ASAP1: variants seen among roughly 807,000 people sequenced by gnomAD.
The protein encoded by ASAP1 is arf-GAP with SH3 domain, ANK repeat and PH domain-containing protein 1.
Under a neutral mutation model 145.2 loss-of-function variants are expected in ASAP1, and 43 were observed. The ratio of observed to expected loss-of-function variants is 0.30; its 90% CI spans 0.23 to 0.38. The LOEUF (loss-of-function observed/expected upper bound fraction) is 0.38. Ranked by LOEUF, ASAP1 falls within the 10% of genes least tolerant of loss-of-function variation. The pLI is 1.00. For missense variants in ASAP1, 1,018 were observed against 1,355.3 expected, an observed-to-expected ratio of 0.75 and a Z score of 3.91; for synonymous variants, 546 against 515.5, an observed-to-expected ratio of 1.06 and a Z score of -0.80.
intron 3 of ASAP1, among the ~76,000 whole-genome samples, chr8:130,350,479 A>G (rs1386810025): frequency 6.6e-6 from 1 of 152,220 alleles, no homozygotes; most frequent in Non-Finnish European, 1.5e-5. Flanking sequence ...AATCACCTCA[A>G]TGAGGTAACA....
intron 3 of ASAP1, among the ~76,000 whole-genome samples, chr8:130,258,399 G>T (rs1318224923): frequency 6.6e-6 from 1 of 152,170 alleles, no homozygotes; most frequent in East Asian, 1.9e-4. Context: ...GTACACTCTA[G>T]CTGTGAAGCT....
intron 24 of ASAP1, among the ~76,000 whole-genome samples, chr8:130,110,246 C>T (rs1475553616): frequency 6.6e-6 from 1 of 152,120 alleles, no homozygotes; most frequent in Non-Finnish European, 1.5e-5. Flanking sequence ...ACTCTGGTGT[C>T]ATTTTCTCCT....
intron 3 of ASAP1, among the ~76,000 whole-genome samples, chr8:130,276,734 T>TCA (rs1820926035): frequency 9.1e-6 from 1 of 109,688 alleles, no homozygotes; most frequent in African/African-American, 3.0e-5. Context: ...ACACACTCTC[T>TCA]CTCTCTCTCT....
At chr8:130,115,150 T>G (rs2097553071) in intron 23 of ASAP1, among the ~76,000 whole-genome samples, 1 of 152,204 alleles carries the variant, frequency 6.6e-6, no homozygotes, top group Admixed American at 6.5e-5. Flanking sequence ...ATTTTTTAGA[T>G]GCAATTACCA....
chr8:130,058,419 A>G (rs967457151), intron 28 of ASAP1, among the ~76,000 whole-genome samples: 3 of 152,218 alleles, frequency 2.0e-5, no homozygotes, highest in Non-Finnish European at 4.4e-5. Flanking sequence ...AACCCACATC[A>G]GCTTGCAGAA....
intron 1 of ASAP1, among the ~76,000 whole-genome samples, chr8:130,422,195 AG>A (rs1205890005): frequency 6.6e-6 from 1 of 152,042 alleles, no homozygotes; most frequent in Non-Finnish European, 1.5e-5. Context: ...TGGAGGCCTG[AG>A]GGGGATGGGC....
At chr8:130,225,677 G>A (rs1367657097) in intron 4 of ASAP1, among the ~76,000 whole-genome samples, 1 of 152,172 alleles carries the variant, frequency 6.6e-6, no homozygotes. Context: ...GCAGAAACTT[G>A]AAAAATGAAT....
chr8:130,278,252 T>C (rs1169846255), intron 3 of ASAP1, among the ~76,000 whole-genome samples: 1 of 152,150 alleles, frequency 6.6e-6, no homozygotes, highest in African/African-American at 2.4e-5. Flanking sequence ...TTTCAAGGTA[T>C]TGAGTCCAGA....
At chr8:130,268,330 T>C (rs1820383210) in intron 3 of ASAP1, among the ~76,000 whole-genome samples, 1 of 151,808 alleles carries the variant, frequency 6.6e-6, no homozygotes, top group Non-Finnish European at 1.5e-5. Context: ...TACAAAAATA[T>C]TAAAAAATTA....
chr8:130,058,871 G>A (rs915257347), intron 28 of ASAP1, among the ~76,000 whole-genome samples: 3 of 152,180 alleles, frequency 2.0e-5, no homozygotes, highest in African/African-American at 7.2e-5. Context: ...TCCCTTCTGG[G>A]CCGTGCGGGT....
chr8:130,396,282 A>T (rs551922404), intron 2 of ASAP1, among the ~76,000 whole-genome samples: 1 of 152,368 alleles, frequency 6.6e-6, no homozygotes, highest in South Asian at 2.1e-4. Flanking sequence ...AAGCTCAAGA[A>T]GGCTTTGCCA....
intron 2 of ASAP1, among the ~76,000 whole-genome samples, chr8:130,395,955 C>A (rs1159004629): frequency 6.6e-6 from 1 of 152,154 alleles, no homozygotes; most frequent in Non-Finnish European, 1.5e-5. Flanking sequence ...TGTGAGCCAC[C>A]GCGCCTGGCC....
chr8:130,110,883 T>C (rs1189681592), intron 24 of ASAP1, among the ~76,000 whole-genome samples: 1 of 152,212 alleles, frequency 6.6e-6, no homozygotes, highest in Non-Finnish European at 1.5e-5. Context: ...CGAGAAGCCA[T>C]GAAACCTGTG....
intron 3 of ASAP1, among the ~76,000 whole-genome samples, chr8:130,275,401 G>A (rs373025408): frequency 2.6e-5 from 4 of 152,178 alleles, no homozygotes; most frequent in South Asian, 2.1e-4. Context: ...CAGCACTTAC[G>A]TACTTTCAGA....
chr8:130,287,937 C>T (rs1821717432), intron 3 of ASAP1, among the ~76,000 whole-genome samples: 1 of 152,274 alleles, frequency 6.6e-6, no homozygotes, highest in South Asian at 2.1e-4. Flanking sequence ...GGTCCCTACC[C>T]CAGCCTATCT....
chr8:130,277,642 G>A (rs1015856136), intron 3 of ASAP1, among the ~76,000 whole-genome samples: 1 of 152,214 alleles, frequency 6.6e-6, no homozygotes, highest in African/African-American at 2.4e-5. Flanking sequence ...AGTCTAAAGA[G>A]TGGGAATAAA....
intron 1 of ASAP1, among the ~76,000 whole-genome samples, chr8:130,405,012 C>T (rs1168564466): frequency 1.3e-5 from 2 of 151,822 alleles, no homozygotes; most frequent in Non-Finnish European, 2.9e-5. Context: ...AAACCACAAC[C>T]AACCCATAGA....
chr8:130,235,287 TATA>T (rs1307986225), intron 4 of ASAP1, among the ~76,000 whole-genome samples: 1 of 152,140 alleles, frequency 6.6e-6, no homozygotes, highest in African/African-American at 2.4e-5. Context: ...CCTCCTTGTA[TATA>T]ATACTTTAAA....
intron 24 of ASAP1, among the ~76,000 whole-genome samples, chr8:130,101,018 CT>C (rs2097527877): frequency 6.6e-6 from 1 of 152,106 alleles, no homozygotes; most frequent in Non-Finnish European, 1.5e-5. Context: ...ACCCAGCTTT[CT>C]CAGCAAATTA....
Sources: gnomAD v4.1 joint callset for allele counts (sites outside exome capture counted in the v4.1 genomes callset) on GRCh38, gnomAD v4.1.1 for gene constraint, MANE v1.5 for transcripts, NCBI Gene and HGNC (gene_info 2026-07-23, HGNC 2026-07-21) for gene names.